Variants in DRC5 observed in about 807,000 individuals in gnomAD.
DRC5 encodes T-complex-associated testis-expressed protein 1.
the DRC5 span, chr6:44,278,788 AAATT>A: frequency 3.9e-5 from 6 of 152,100 alleles, no homozygotes; most frequent in East Asian, 1.9e-4. Flanking sequence ...GAAAACCAGA[AAATT>A]AATTAATCTC....
At chr6:44,281,768 A>G in the DRC5 span, among the ~76,000 whole-genome samples, 1 of 152,204 alleles carries the variant, frequency 6.6e-6, no homozygotes, top group Non-Finnish European at 1.5e-5. Context: ...CTTTCAATCA[A>G]TCTTGGGTTT....
the DRC5 span, among the ~76,000 whole-genome samples, chr6:44,296,938 C>CTTGGACTTGGGCTGGGCGAAA: frequency 6.7e-6 from 1 of 148,310 alleles, no homozygotes; most frequent in Non-Finnish European, 1.5e-5. Context: ...TGAGCCTCGG[C>CTTGGACTTGGGCTGGGCGAAA]CCGTGTGCTT....
At chr6:44,286,218 G>T in the DRC5 span, 1 of 1,611,890 alleles carries the variant, frequency 6.2e-7, no homozygotes, top group Non-Finnish European at 8.5e-7. Context: ...TGCACCGGCG[G>T]AAGGAACTGA....
At chr6:44,290,015 T>A in the DRC5 span, among the ~76,000 whole-genome samples, 1 of 152,130 alleles carries the variant, frequency 6.6e-6, no homozygotes, top group Non-Finnish European at 1.5e-5. Context: ...AGGAAAAGCC[T>A]GGTTGAGAGG....
the DRC5 span, among the ~76,000 whole-genome samples, chr6:44,295,523 T>C: frequency 1.3e-5 from 2 of 152,034 alleles, no homozygotes; most frequent in African/African-American, 4.8e-5. Context: ...ACTCAAAGGA[T>C]TGGGTGTGGA....
At chr6:44,297,287 G>A in the DRC5 span, among the ~76,000 whole-genome samples, 1 of 152,188 alleles carries the variant, frequency 6.6e-6, no homozygotes, top group Non-Finnish European at 1.5e-5. Flanking sequence ...ACGGCCTTTC[G>A]GAGAAGCCTA....
the DRC5 span, chr6:44,286,257 G>A: frequency 1.0e-4 from 168 of 1,612,494 alleles, no homozygotes; most frequent in Non-Finnish European, 1.4e-4. Context: ...ACGTAATTCC[G>A]GCAGAGCGGC....
the DRC5 span, among the ~76,000 whole-genome samples, chr6:44,291,427 T>C: frequency 5.3e-4 from 80 of 152,310 alleles, 1 homozygote; most frequent in Admixed American, 4.3e-3. Context: ...CGAGCAAAAC[T>C]AACTCCTTGC....
the DRC5 span, chr6:44,282,059 T>G: frequency 6.5e-7 from 1 of 1,542,304 alleles, no homozygotes; most frequent in Non-Finnish European, 8.8e-7. Flanking sequence ...CAAGTACCCC[T>G]GGCAGTTGGA....
the DRC5 span, among the ~76,000 whole-genome samples, chr6:44,293,689 AG>A: frequency 6.6e-6 from 1 of 152,150 alleles, no homozygotes; most frequent in Non-Finnish European, 1.5e-5. Context: ...GCCCTCCACT[AG>A]GCAAGAAGAA....
At chr6:44,289,390 T>C in the DRC5 span, among the ~76,000 whole-genome samples, 1 of 152,180 alleles carries the variant, frequency 6.6e-6, no homozygotes, top group African/African-American at 2.4e-5. Flanking sequence ...TTTAAACATA[T>C]AATCAATATA....
At chr6:44,284,052 A>C in the DRC5 span, among the ~76,000 whole-genome samples, 1 of 152,114 alleles carries the variant, frequency 6.6e-6, no homozygotes, top group Non-Finnish European at 1.5e-5. Context: ...AAGGAACCCA[A>C]AGCTCTCATC....
the DRC5 span, among the ~76,000 whole-genome samples, chr6:44,283,942 C>T: frequency 2.6e-5 from 4 of 152,214 alleles, no homozygotes; most frequent in Non-Finnish European, 4.4e-5. Context: ...CAAGCACTGA[C>T]TTATTGGTCT....
At chr6:44,288,280 T>A in the DRC5 span, among the ~76,000 whole-genome samples, 835 of 152,334 alleles carry the variant, frequency 5.5e-3, 6 homozygotes, top group African/African-American at 0.019. Flanking sequence ...TCTTTATGCC[T>A]ATTAATTCAT....
the DRC5 span, chr6:44,286,629 G>T: frequency 9.2e-7 from 1 of 1,082,964 alleles, no homozygotes; most frequent in Non-Finnish European, 1.3e-6. Flanking sequence ...ACCAGGCAAA[G>T]GAGAGACCCT....
At chr6:44,278,995 GC>G in the DRC5 span, 1 of 152,196 alleles carries the variant, frequency 6.6e-6, no homozygotes, top group Non-Finnish European at 1.5e-5. Context: ...TCACTCCCAA[GC>G]CCCCTTTGGT....
the DRC5 span, chr6:44,282,038 C>T: frequency 2.8e-6 from 4 of 1,427,650 alleles, no homozygotes; most frequent in African/African-American, 4.2e-5. Flanking sequence ...GTGATCTTCA[C>T]AATTATCCCA....
the DRC5 span, among the ~76,000 whole-genome samples, chr6:44,284,464 C>T: frequency 3.3e-5 from 5 of 152,094 alleles, no homozygotes; most frequent in Admixed American, 6.5e-5. Flanking sequence ...ATGAAGATGG[C>T]ACACATTCCC....
the DRC5 span, chr6:44,282,239 G>A: frequency 2.5e-6 from 4 of 1,614,220 alleles, no homozygotes; most frequent in Non-Finnish European, 3.4e-6. Flanking sequence ...TGAGGCACTT[G>A]TTGGTCTGCA....
Sources: allele counts gnomAD v4.1 joint callset (sites outside exome capture counted in the v4.1 genomes callset), GRCh38; gene constraint gnomAD v4.1.1; transcripts MANE v1.5; gene names NCBI Gene and HGNC (gene_info 2026-07-23, HGNC 2026-07-21).